The following DISC1 variants were observed in gnomAD, a reference collection of about 807,000 sequenced individuals.
The protein encoded by DISC1 is DISC1 scaffold protein.
In DISC1, 57 loss-of-function variants were observed where a neutral mutation model predicts 84.5. The ratio of observed to expected loss-of-function variants is 0.67; its 90% CI spans 0.55 to 0.84. The LOEUF is 0.84. DISC1 is among the 40% of genes least tolerant of loss of function. DISC1 has a pLI of 0.00. For synonymous variants in DISC1, 411 were observed against 415.2 expected (o/e 0.99, Z 0.12); for missense variants, 1,000 against 1,057.8 (o/e 0.95, Z 0.76).
At chr1:231,802,840 C>CT (rs1040564709) in intron 8 of DISC1, among the ~76,000 whole-genome samples, 5 of 151,040 alleles carry the variant, frequency 3.3e-5, no homozygotes, top group South Asian at 2.1e-4. Context: ...CTACAAGGAT[C>CT]TTTTTTTTTC....
intron 3 of DISC1, among the ~76,000 whole-genome samples, chr1:231,736,353 G>A (rs1002844160): frequency 1.3e-5 from 2 of 152,180 alleles, no homozygotes; most frequent in Non-Finnish European, 1.5e-5. Context: ...GGTTAGCACC[G>A]AAAAAGATCA....
intron 9 of DISC1, among the ~76,000 whole-genome samples, chr1:231,845,528 T>G (rs1266574679): frequency 2.0e-5 from 3 of 152,162 alleles, no homozygotes; most frequent in Non-Finnish European, 4.4e-5. Flanking sequence ...CAGTGACTTC[T>G]GGGGACAGTG....
rs1345759490 is a variant in DISC1 at position 231,869,888 on chromosome 1, A to G, written c.1981+51371A>G. On this transcript the variant is annotated intron_variant, in intron 9 of 12. Transcript: ENST00000439617. ...GGGTCTTGCCTTATTCAGCAGTCAT[A>G]TTTTTTTCTAGATAAAATTCTTACT... Among the ~76,000 whole-genome samples the G allele has an allele frequency of 2.6e-5, 4 of 151,828 alleles. No homozygotes were observed. The East Asian group carries it at 7.7e-4, about 29-fold the overall frequency.
chr1:232,028,248 A>G (rs913047030), intron 12 of DISC1, among the ~76,000 whole-genome samples: 8 of 152,242 alleles, frequency 5.3e-5, no homozygotes, highest in Admixed American at 1.3e-4. Context: ...CAGAGAGTCA[A>G]TGGATATGAA....
intron 9 of DISC1, among the ~76,000 whole-genome samples, chr1:231,916,042 G>C (rs2089598175): frequency 6.6e-6 from 1 of 152,150 alleles, no homozygotes; most frequent in Non-Finnish European, 1.5e-5. Context: ...ACGAAGAGTA[G>C]CTCTTTTCCA....
intron 1 of DISC1, among the ~76,000 whole-genome samples, chr1:231,668,378 C>T (rs951504635): frequency 6.6e-6 from 1 of 152,120 alleles, no homozygotes; most frequent in Admixed American, 6.5e-5. Context: ...CTGTTGAACT[C>T]CTGTCTTCCT....
intron 6 of DISC1, among the ~76,000 whole-genome samples, chr1:231,773,829 C>T (rs764367762): frequency 4.6e-5 from 7 of 152,150 alleles, no homozygotes; most frequent in African/African-American, 1.2e-4. Context: ...ATCCCCAATC[C>T]GAACATTCCC....
chr1:232,026,762 CTTTTTTTTTTTTT>C (rs545455868), intron 12 of DISC1, among the ~76,000 whole-genome samples: 12 of 110,876 alleles, frequency 1.1e-4, no homozygotes, highest in African/African-American at 1.3e-4. Flanking sequence ...TTTCTTTTTT[CTTTTTTTTTTTTT>C]TTTTTTTTTG....
intron 11 of DISC1, among the ~76,000 whole-genome samples, chr1:232,016,064 C>T (rs1668468061): frequency 6.6e-6 from 1 of 152,166 alleles, no homozygotes; most frequent in South Asian, 2.1e-4. Context: ...CAGCAAACTA[C>T]AGGGGTGCCT....
At chr1:231,641,729 G>A (rs952878647) in intron 1 of DISC1, among the ~76,000 whole-genome samples, 5 of 152,086 alleles carry the variant, frequency 3.3e-5, no homozygotes, top group Admixed American at 3.3e-4. Context: ...ACAAATGTTC[G>A]CCACCTCCCC....
intron 9 of DISC1, among the ~76,000 whole-genome samples, chr1:231,825,331 G>T (rs1271075771): frequency 1.3e-5 from 2 of 152,154 alleles, no homozygotes; most frequent in African/African-American, 4.8e-5. Flanking sequence ...GCAGAAACTT[G>T]ACTCTATGTA....
chr1:231,879,348 A>G (rs1230701005), intron 9 of DISC1, among the ~76,000 whole-genome samples: 1 of 151,972 alleles, frequency 6.6e-6, no homozygotes, highest in Non-Finnish European at 1.5e-5. Flanking sequence ...GACTTAAGGT[A>G]TACATATGTT....
At chr1:231,747,079 A>G (rs1177474474) in intron 3 of DISC1, among the ~76,000 whole-genome samples, 1 of 152,022 alleles carries the variant, frequency 6.6e-6, no homozygotes, top group African/African-American at 2.4e-5. Flanking sequence ...ACAGCCATAC[A>G]CCACCATGCC....
intron 10 of DISC1, among the ~76,000 whole-genome samples, chr1:231,991,218 T>G (rs901384419): frequency 2.6e-5 from 4 of 152,268 alleles, no homozygotes; most frequent in Admixed American, 6.5e-5. Flanking sequence ...AGCAGATCTA[T>G]TTCCATTCCA....
chr1:231,703,293 G>A (rs1368387978), intron 3 of DISC1, among the ~76,000 whole-genome samples: 2 of 152,202 alleles, frequency 1.3e-5, no homozygotes, highest in Admixed American at 1.3e-4. Context: ...TGGAGGATGA[G>A]TTGCCTGAGA....
rs147290164 is a variant in DISC1, at chr1:231,820,563, C to T, written c.1981+2046C>T. On this transcript the variant is annotated intron_variant, in intron 9 of 12. Coordinates refer to ENST00000439617, the MANE Select transcript of DISC1 (RefSeq NM_018662.3). ...TGCAGCGTTCAGGGGAAAAAGGCAACTCATGGATGATCAAGCCACCCTGCT... is the reference window on the plus strand; with the variant it reads ...TGCAGCGTTCAGGGGAAAAAGGCAATTCATGGATGATCAAGCCACCCTGCT... Among the ~76,000 whole-genome samples, 223 of 152,306 alleles carry T rather than the reference C, an allele frequency of 1.5e-3. 3 individuals are homozygous for T. Among genetic ancestry groups the T allele is most frequent in the African/African-American group, 5.1e-3 (211 of 41,562 alleles).
intron 9 of DISC1, among the ~76,000 whole-genome samples, chr1:231,872,441 G>A (rs2085532608): frequency 6.6e-6 from 1 of 152,026 alleles, no homozygotes; most frequent in Non-Finnish European, 1.5e-5. Context: ...GCACTCTCTA[G>A]GTCCCTAAAA....
In DISC1 at chr1:231,841,673, G is replaced by A. The variant is rs114699884; in HGVS notation, c.1981+23156G>A. Among the ~76,000 whole-genome samples, 518 of 152,300 alleles carry A rather than the reference G, an allele frequency of 3.4e-3. 1 individual carries two copies. The highest frequency in any genetic ancestry group is 0.012 in the African/African-American group (483 of 41,558). On this transcript the variant is annotated intron_variant, in intron 9 of 12. Transcript: ENST00000439617. ...GAACTATTACCTTCCTAGAGGGTTT[G>A]TGTGGTGACACCCATAAAAATCTTA...
At position 231,654,541 on chromosome 1, in the gene DISC1, C is replaced by T. The variant is rs1287969347; in HGVS notation, c.67+27607C>T. Among the ~76,000 whole-genome samples, 4 of 152,108 alleles carry T rather than the reference C, an allele frequency of 2.6e-5. No individual in the cohort carries two copies. In the East Asian group the frequency reaches 7.7e-4, roughly 29 times the overall value. ...ATTATTATTAACTATAGTCACCATG[C>T]TGTGGAATAAATCTTAAGAACTTAT... On this transcript the variant is annotated intron_variant, in intron 1 of 12. Coordinates refer to ENST00000439617, the MANE Select transcript of DISC1 (RefSeq NM_018662.3).
Sources: allele counts gnomAD v4.1 joint callset (sites outside exome capture counted in the v4.1 genomes callset), GRCh38; gene constraint gnomAD v4.1.1; transcripts MANE v1.5; gene names NCBI Gene and HGNC (gene_info 2026-07-23, HGNC 2026-07-21).